The following MGAT4C variants were observed in gnomAD, a reference collection of about 807,000 sequenced individuals.
The protein encoded by MGAT4C is MGAT4 family member C, also known as alpha-1,3-mannosyl-glycoprotein 4-beta-N-acetylglucosaminyltransferase C.
In MGAT4C, 19 loss-of-function variants were observed where a neutral mutation model predicts 40.1. The ratio of observed to expected loss-of-function variants is 0.47; its 90% CI spans 0.33 to 0.70. The LOEUF is 0.70. MGAT4C is among the 30% of genes least tolerant of loss of function. The pLI is 0.02. For missense variants in MGAT4C, 491 were observed against 563.2 expected, an observed-to-expected ratio of 0.87 and a Z score of 1.30; for synonymous variants, 181 against 187.1, an observed-to-expected ratio of 0.97 and a Z score of 0.27.
At chr12:86,010,255 T>A (rs975827200) in intron 2 of MGAT4C, among the ~76,000 whole-genome samples, 1 of 152,154 alleles carries the variant, frequency 6.6e-6, no homozygotes, top group African/African-American at 2.4e-5. Flanking sequence ...AAAACAGGAC[T>A]AATGAAATAA....
chr12:86,298,916 C>T (rs1415749298), intron 4 of MGAT4C, among the ~76,000 whole-genome samples: 2 of 149,304 alleles, frequency 1.3e-5, no homozygotes, highest in Non-Finnish European at 2.9e-5. Context: ...ATTTTCTATA[C>T]TTTTATGTAA....
intron 2 of MGAT4C, among the ~76,000 whole-genome samples, chr12:86,715,799 T>C (rs1384080495): frequency 6.6e-6 from 1 of 152,138 alleles, no homozygotes; most frequent in Non-Finnish European, 1.5e-5. Flanking sequence ...TTATTCTGTG[T>C]ATGAATGGTT....
At chr12:86,816,380 T>C (rs1178342848) in intron 1 of MGAT4C, among the ~76,000 whole-genome samples, 1 of 151,878 alleles carries the variant, frequency 6.6e-6, no homozygotes, top group African/African-American at 2.4e-5. Context: ...TATCCCTTAA[T>C]TTCTGAGAAA....
At chr12:86,628,098 T>C (rs556234990) in intron 2 of MGAT4C, among the ~76,000 whole-genome samples, 1 of 152,104 alleles carries the variant, frequency 6.6e-6, no homozygotes, top group South Asian at 2.1e-4. Context: ...ATGTGACACA[T>C]GCACAAGCTT....
intron 2 of MGAT4C, among the ~76,000 whole-genome samples, chr12:86,469,312 C>T (rs1957725821): frequency 6.6e-6 from 1 of 152,094 alleles, no homozygotes; most frequent in Admixed American, 6.6e-5. Flanking sequence ...TTTTAATGAA[C>T]AGAATATGGC....
chr12:86,618,902 T>A (rs1271492019), intron 2 of MGAT4C, among the ~76,000 whole-genome samples: 1 of 152,102 alleles, frequency 6.6e-6, no homozygotes, highest in Non-Finnish European at 1.5e-5. Context: ...CATTACACTT[T>A]CTATGCATGT....
At chr12:86,281,506 A>C (rs1258816313) in intron 4 of MGAT4C, among the ~76,000 whole-genome samples, 3 of 152,000 alleles carry the variant, frequency 2.0e-5, no homozygotes, top group Non-Finnish European at 4.4e-5. Context: ...ATTTTGGAGA[A>C]GTTTTATAAA....
intron 1 of MGAT4C, among the ~76,000 whole-genome samples, chr12:86,230,340 C>G (rs1951262815): frequency 6.6e-6 from 1 of 152,014 alleles, no homozygotes; most frequent in Non-Finnish European, 1.5e-5. Context: ...ATGAACAGCC[C>G]TACACTCTAT....
intron 1 of MGAT4C, among the ~76,000 whole-genome samples, chr12:86,816,039 G>A (rs1952599592): frequency 6.6e-6 from 1 of 151,792 alleles, no homozygotes; most frequent in African/African-American, 2.4e-5. Flanking sequence ...TAATTTTATT[G>A]TTTCTCTGAT....
chr12:86,285,781 A>G (rs1455186473), intron 4 of MGAT4C, among the ~76,000 whole-genome samples: 1 of 152,032 alleles, frequency 6.6e-6, no homozygotes, highest in Non-Finnish European at 1.5e-5. Context: ...AAATTGCCTA[A>G]AGATCTAACA....
chr12:86,024,524 A>G (rs1450924631), intron 2 of MGAT4C, among the ~76,000 whole-genome samples: 2 of 151,892 alleles, frequency 1.3e-5, no homozygotes, highest in Non-Finnish European at 3.0e-5. Flanking sequence ...TATAGAAGAT[A>G]TAATTTTCAT....
chr12:86,147,398 C>T (rs1358542242), intron 1 of MGAT4C, among the ~76,000 whole-genome samples: 6 of 152,218 alleles, frequency 3.9e-5, no homozygotes, highest in Admixed American at 3.3e-4. Context: ...CCCGCCACCA[C>T]GCCCAGCTAA....
At chr12:86,203,923 C>A (rs1950146809) in intron 1 of MGAT4C, among the ~76,000 whole-genome samples, 1 of 147,396 alleles carries the variant, frequency 6.8e-6, no homozygotes, top group African/African-American at 2.5e-5. Flanking sequence ...CGCCATTGCA[C>A]TCCAGCCTGG....
intron 3 of MGAT4C, among the ~76,000 whole-genome samples, chr12:86,397,653 T>C (rs1307115111): frequency 6.6e-6 from 1 of 152,092 alleles, no homozygotes; most frequent in African/African-American, 2.4e-5. Flanking sequence ...TATAATTTGG[T>C]TTTTATTAGA....
intron 1 of MGAT4C, among the ~76,000 whole-genome samples, chr12:86,122,525 G>A (rs186315862): frequency 2.0e-5 from 3 of 152,172 alleles, no homozygotes; most frequent in African/African-American, 7.2e-5. Flanking sequence ...TAACTAAATA[G>A]GTAATTAATC....
intron 2 of MGAT4C, among the ~76,000 whole-genome samples, chr12:86,578,890 G>C (rs1007016653): frequency 4.6e-5 from 7 of 150,728 alleles, no homozygotes; most frequent in African/African-American, 1.7e-4. Flanking sequence ...TTTTGGTTTT[G>C]CTTTGCTGTT....
intron 2 of MGAT4C, among the ~76,000 whole-genome samples, chr12:86,465,639 T>C (rs187986970): frequency 1.4e-4 from 21 of 152,104 alleles, no homozygotes; most frequent in Admixed American, 4.6e-4. Context: ...TGCTCCACAA[T>C]ATATGTCTTT....
chr12:86,655,447 C>T (rs997748930), intron 2 of MGAT4C, among the ~76,000 whole-genome samples: 6 of 152,074 alleles, frequency 3.9e-5, no homozygotes, highest in Non-Finnish European at 7.4e-5. Flanking sequence ...TTTTCTCCCT[C>T]ATCAATGTAT....
At chr12:86,535,053 ACAAAG>A (rs1959046266) in intron 2 of MGAT4C, among the ~76,000 whole-genome samples, 1 of 152,136 alleles carries the variant, frequency 6.6e-6, no homozygotes, top group African/African-American at 2.4e-5. Flanking sequence ...ATTTGTGAAG[ACAAAG>A]CAAACAACAA....
Sources: allele counts gnomAD v4.1 joint callset (sites outside exome capture counted in the v4.1 genomes callset), GRCh38; gene constraint gnomAD v4.1.1; transcripts MANE v1.5; gene names NCBI Gene and HGNC (gene_info 2026-07-23, HGNC 2026-07-21).